The following ASIC2 variants were observed in gnomAD, a reference collection of about 807,000 sequenced individuals.
ASIC2 encodes acid-sensing ion channel 2.
In ASIC2, 25 loss-of-function variants were observed where a neutral mutation model predicts 57.3. That is an observed-to-expected ratio of 0.44 (90% CI 0.32 to 0.61). The LOEUF is 0.61. ASIC2 is among the 20% of genes least tolerant of loss of function. The pLI is 0.06. For synonymous variants in ASIC2, 319 were observed against 307.5 expected (o/e 1.04, Z -0.39); for missense variants, 641 against 738.1 (o/e 0.87, Z 1.52).
chr17:33,597,464 T>C (rs1458516958), intron 1 of ASIC2, among the ~76,000 whole-genome samples: 1 of 152,200 alleles, frequency 6.6e-6, no homozygotes, highest in Non-Finnish European at 1.5e-5. Flanking sequence ...CTTCCCTGTA[T>C]AGATGACATG....
At chr17:33,196,699 T>TC (rs1380993059) in intron 1 of ASIC2, among the ~76,000 whole-genome samples, 2 of 152,196 alleles carry the variant, frequency 1.3e-5, no homozygotes, top group Non-Finnish European at 2.9e-5. Flanking sequence ...TACTAGGCAT[T>TC]CCCCTCTGGG....
At chr17:34,101,752 C>T (rs1326206810) in intron 1 of ASIC2, among the ~76,000 whole-genome samples, 1 of 152,052 alleles carries the variant, frequency 6.6e-6, no homozygotes, top group Non-Finnish European at 1.5e-5. Context: ...ATAGATGATA[C>T]CACATTGTAT....
intron 1 of ASIC2, among the ~76,000 whole-genome samples, chr17:33,373,366 C>G (rs989290123): frequency 4.6e-5 from 7 of 152,238 alleles, no homozygotes; most frequent in African/African-American, 1.4e-4. Flanking sequence ...GGCATAGGCC[C>G]ATTCCTGGGC....
chr17:33,198,815 T>C (rs1259708672), intron 1 of ASIC2, among the ~76,000 whole-genome samples: 2 of 152,228 alleles, frequency 1.3e-5, no homozygotes, highest in African/African-American at 4.8e-5. Context: ...GTAAGATGCA[T>C]GGGAGCTAAA....
At chr17:33,321,256 A>T (rs1370391248) in intron 1 of ASIC2, among the ~76,000 whole-genome samples, 2 of 152,214 alleles carry the variant, frequency 1.3e-5, no homozygotes, top group Non-Finnish European at 2.9e-5. Flanking sequence ...AATATTTTAC[A>T]TTTAATAAAT....
At chr17:33,989,892 G>C (rs1300058176) in intron 1 of ASIC2, among the ~76,000 whole-genome samples, 1 of 152,174 alleles carries the variant, frequency 6.6e-6, no homozygotes, top group Non-Finnish European at 1.5e-5. Context: ...AAGCATGAAG[G>C]AACTGAGCCC....
chr17:33,320,738 T>C (rs1906836910), intron 1 of ASIC2, among the ~76,000 whole-genome samples: 1 of 152,184 alleles, frequency 6.6e-6, no homozygotes, highest in Non-Finnish European at 1.5e-5. Context: ...TCTCTCTCCT[T>C]GCTTTTCCTG....
At chr17:34,029,422 T>A (rs1287175063) in intron 1 of ASIC2, among the ~76,000 whole-genome samples, 3 of 151,012 alleles carry the variant, frequency 2.0e-5, no homozygotes, top group Admixed American at 2.0e-4. Context: ...AGACTCTCAC[T>A]ACCTTCTAAG....
intron 1 of ASIC2, among the ~76,000 whole-genome samples, chr17:33,131,301 G>A (rs959266810): frequency 6.6e-6 from 1 of 152,154 alleles, no homozygotes; most frequent in Non-Finnish European, 1.5e-5. Context: ...AAAATTTTAG[G>A]TTTCTAGAGG....
At chr17:33,050,039 T>C (rs974729372) in intron 3 of ASIC2, among the ~76,000 whole-genome samples, 4 of 152,268 alleles carry the variant, frequency 2.6e-5, no homozygotes, top group Non-Finnish European at 2.9e-5. Flanking sequence ...GATGGGAATG[T>C]TAGGAAAGAA....
In ASIC2 at chr17:33,888,262, G is replaced by T. The variant is rs944701165; in HGVS notation, c.555+267716C>A. 2.0e-5 allele frequency among the ~76,000 whole-genome samples: 3 copies of T among 152,270 alleles called. No individual in the cohort carries two copies. In the East Asian group the frequency reaches 5.8e-4, roughly 29 times the overall value. ...GGGAAGGCTTGCAGGAAGATGTGAT[G>T]ACTGAGATGAATTGTAAAAGACAGG... On this transcript the variant is annotated intron_variant, in intron 1 of 9. Transcript: ENST00000359872.
At chr17:33,772,500 C>G (rs1911142824) in intron 1 of ASIC2, among the ~76,000 whole-genome samples, 1 of 152,208 alleles carries the variant, frequency 6.6e-6, no homozygotes, top group African/African-American at 2.4e-5. Flanking sequence ...CTTCACCAAT[C>G]TGCTTTATGT....
At chr17:33,645,017 C>G (rs191885586) in intron 1 of ASIC2, among the ~76,000 whole-genome samples, 1 of 152,226 alleles carries the variant, frequency 6.6e-6, no homozygotes, top group East Asian at 1.9e-4. Flanking sequence ...TCATGATTAG[C>G]CACGTGAAAC....
intron 1 of ASIC2, among the ~76,000 whole-genome samples, chr17:33,395,779 G>C (rs1303538104): frequency 1.3e-5 from 2 of 152,144 alleles, no homozygotes; most frequent in Non-Finnish European, 2.9e-5. Flanking sequence ...GGCAAGGCAA[G>C]TGTGATTTTC....
intron 1 of ASIC2, among the ~76,000 whole-genome samples, chr17:33,411,573 G>A (rs145979352): frequency 6.6e-6 from 1 of 152,298 alleles, no homozygotes; most frequent in African/African-American, 2.4e-5. Context: ...TTTTAGGCCT[G>A]GAGTGCACCC....
At chr17:33,479,436 C>T (rs904179205) in intron 1 of ASIC2, among the ~76,000 whole-genome samples, 2 of 152,070 alleles carry the variant, frequency 1.3e-5, no homozygotes, top group African/African-American at 2.4e-5. Context: ...ATGTGTGGCC[C>T]CAGTCTCTGG....
intron 1 of ASIC2, among the ~76,000 whole-genome samples, chr17:33,419,860 C>T (rs900095924): frequency 6.6e-6 from 1 of 151,110 alleles, no homozygotes; most frequent in African/African-American, 2.4e-5. Flanking sequence ...ATCTTTGAGA[C>T]ATATTAAGGA....
At position 33,427,702 on chromosome 17, in the gene ASIC2, G is replaced by A. The variant is rs570460690; in HGVS notation, c.556-315635C>T. 5.3e-5 allele frequency among the ~76,000 whole-genome samples: 8 copies of A among 152,322 alleles called. No homozygotes were observed. In the East Asian group the frequency reaches 7.7e-4, roughly 15 times the overall value. ...CAGCCCCAAAGGGACTAGAAGCAGT[G>A]ATTCTCAACCCTGGCTGTACACTAG... On this transcript the variant is annotated intron_variant, in intron 1 of 9. Coordinates refer to the ASIC2 transcript ENST00000359872.
At chr17:33,519,511 AT>A (rs1391148086) in intron 1 of ASIC2, among the ~76,000 whole-genome samples, 1 of 152,096 alleles carries the variant, frequency 6.6e-6, no homozygotes. Context: ...TCAAATCTGG[AT>A]TTCTATGCCA....
Sources: allele counts gnomAD v4.1 joint callset (sites outside exome capture counted in the v4.1 genomes callset), GRCh38; gene constraint gnomAD v4.1.1; transcripts MANE v1.5; gene names NCBI Gene and HGNC (gene_info 2026-07-23, HGNC 2026-07-21).